Variants in TMPRSS2 observed in about 807,000 individuals in gnomAD.
TMPRSS2 encodes transmembrane protease serine 2.
TMPRSS2 carries 59 observed loss-of-function variants against 67.4 expected under a neutral mutation model. That is an observed-to-expected ratio of 0.88 (90% CI 0.71 to 1.09). The LOEUF is 1.09. TMPRSS2 is among the 50% of genes least tolerant of loss of function. TMPRSS2 has a pLI of 0.00. For synonymous variants in TMPRSS2, 257 were observed against 257.0 expected, an observed-to-expected ratio of 1.00 and a Z score of 0.00; for missense variants, 668 against 642.7, an observed-to-expected ratio of 1.04 and a Z score of -0.43.
rs565063101 is a variant in TMPRSS2 at position 41,476,974 on chromosome 21, C to G, written c.684-354G>C. On this transcript the variant is annotated intron_variant, in intron 7 of 13. Coordinates refer to ENST00000332149, the MANE Select transcript of TMPRSS2 (RefSeq NM_005656.4). ...AATCATCTTCTAATTTTTAAGGAAG[C>G]CATTTGGAAACCTCTGGGCTCCTAT... Among the ~76,000 whole-genome samples the G allele has an allele frequency of 4.6e-5, 7 of 152,252 alleles. No homozygotes were observed. In the East Asian group the frequency reaches 1.3e-3, roughly 29 times the overall value.
intron 11 of TMPRSS2, chr21:41,468,985 A>G (rs546232086): frequency 6.1e-6 from 1 of 162,710 alleles, no homozygotes; most frequent in Admixed American, 5.9e-5. Flanking sequence ...TCCCCTGCAC[A>G]TTAGAGCTTC....
intron 1 of TMPRSS2, among the ~76,000 whole-genome samples, chr21:41,504,454 G>A (rs2091444149): frequency 6.6e-6 from 1 of 152,138 alleles, no homozygotes; most frequent in South Asian, 2.1e-4. Context: ...CCACACCCCT[G>A]CCAGAAAACC....
At chr21:41,467,507 C>T (rs866244433) in intron 13 of TMPRSS2, among the ~76,000 whole-genome samples, 6 of 152,140 alleles carry the variant, frequency 3.9e-5, no homozygotes, top group African/African-American at 9.7e-5. Context: ...TGAGCCCCAG[C>T]GCTTTTCATC....
rs114363287 is a variant in TMPRSS2, at chr21:41,494,374, C to T, written c.220G>A (p.Gly74Arg). ...VVCTQPKSPSGTVCTSKTKKA... is the reference protein window; with the variant it reads ...VVCTQPKSPSRTVCTSKTKKA... ...ATCCTACTTGAGGTGCACACTGTCC[C>T]GGATGGGGATTTGGGCTGCGTGCAG... Residue 74 changes from glycine (G) to arginine (R), a missense_variant, in exon 3 of 14, where the codon GGG (glycine) becomes AGG (arginine). By Grantham distance (125) the Gly-to-Arg change is moderately radical. Coordinates refer to ENST00000332149, the MANE Select transcript of TMPRSS2 (RefSeq NM_005656.4). 524 of 1,610,296 alleles carry T rather than the reference C, an allele frequency of 3.3e-4. 1 individual carries two copies. The African/African-American group carries it at 6.3e-3, about 19-fold the overall frequency.
intron 1 of TMPRSS2, among the ~76,000 whole-genome samples, chr21:41,507,660 G>A (rs1311034086): frequency 6.6e-6 from 1 of 152,222 alleles, no homozygotes; most frequent in African/African-American, 2.4e-5. Flanking sequence ...CCAACCGACA[G>A]CACTCCCAGT....
rs1175715553 is a variant in TMPRSS2, at chr21:41,494,484, T to C, written c.110A>G (p.Tyr37Cys). ...GTAGTACTGAGCCGGATGCACCTCG[T>C]AGACAGTGGGGACCACAGTGGGCTG... Reference protein sequence around the residue: ...PAQPTVVPTVYEVHPAQYYPS... With the variant: ...PAQPTVVPTVCEVHPAQYYPS... The change falls in exon 3 of 14, where the codon TAC becomes TGC. Residue 37 changes from tyrosine to cysteine, a missense_variant. By Grantham distance (194) the Tyr-to-Cys change is radical. Coordinates refer to ENST00000332149, the MANE Select transcript of TMPRSS2 (RefSeq NM_005656.4). 4 of 1,613,946 alleles carry C rather than the reference T, an allele frequency of 2.5e-6. No individual in the cohort carries two copies. The highest frequency in any genetic ancestry group is 2.7e-5 in the African/African-American group (2 of 74,910).
rs1286776920 is a variant in TMPRSS2, at chr21:41,473,204, A to G, written c.899+121T>C. 6.7e-6 allele frequency: 8 copies of G among 1,188,392 alleles called. No homozygotes were observed. The African/African-American group carries it at 9.2e-5, about 14-fold the overall frequency. The allele number at this position is 1,188,392 out of a possible 1,614,324, so 73.6% of individuals were successfully genotyped here. A position where few individuals can be genotyped will look rare whatever the true frequency, so the allele number is the denominator to read the frequency against. On this transcript the variant is annotated intron_variant, in intron 9 of 13. Coordinates refer to ENST00000332149, the MANE Select transcript of TMPRSS2 (RefSeq NM_005656.4). ...CTCACAGCCCTAGGAAGCAGGTGCA[A>G]TACTCTCCCCATTTAAACACAAGGA...
intron 2 of TMPRSS2, among the ~76,000 whole-genome samples, chr21:41,495,399 G>C (rs558991814): frequency 6.1e-4 from 93 of 152,178 alleles, no homozygotes; most frequent in Non-Finnish European, 1.1e-3. Flanking sequence ...TAAAGCAGGT[G>C]GATCACCTGA....
At chr21:41,497,837 T>C (rs2091395580) in intron 2 of TMPRSS2, among the ~76,000 whole-genome samples, 1 of 152,224 alleles carries the variant, frequency 6.6e-6, no homozygotes, top group African/African-American at 2.4e-5. Context: ...CCCCACTCCT[T>C]GTCCCTGCCC....
At chr21:41,480,413 G>A in intron 6 of TMPRSS2, 63 bp downstream of exon 6, 1 of 1,591,778 alleles carries the variant, frequency 6.3e-7, no homozygotes, top group Non-Finnish European at 8.6e-7. Context: ...GAGGCAGAGA[G>A]AGGGTCTTCT....
intron 9 of TMPRSS2, 52 bp from the exon 10 acceptor site, chr21:41,472,033 A>G (rs464431): frequency 0.97 from 1,442,348 of 1,490,774 alleles, 701,958 homozygotes; most frequent in Non-Finnish European, 0.99. Context: ...CAGAGCTCTC[A>G]GTGGATGAAC....
chr21:41,471,757 T>C, intron 10 of TMPRSS2, 49 bp downstream of exon 10: 1 of 1,521,582 alleles, frequency 6.6e-7, no homozygotes, highest in Non-Finnish European at 8.9e-7. Flanking sequence ...CCAATCAACA[T>C]CTCTTTAAGA....
At chr21:41,493,307 C>CA (rs1416882807) in intron 3 of TMPRSS2, among the ~76,000 whole-genome samples, 1 of 152,040 alleles carries the variant, frequency 6.6e-6, no homozygotes, top group Non-Finnish European at 1.5e-5. Context: ...GTAGAAAACT[C>CA]AGAGACAGGA....
chr21:41,468,633 C>CA (rs140209466), intron 11 of TMPRSS2, 95 bp from the exon 12 acceptor site: 1 of 1,398,702 alleles, frequency 7.1e-7, no homozygotes, highest in East Asian at 2.3e-5. Context: ...ACGCACTACA[C>CA]AGATGGTCAC....
At chr21:41,494,652 T>C in intron 2 of TMPRSS2, 74 bp from the exon 3 acceptor site, 1 of 1,296,182 alleles carries the variant, frequency 7.7e-7, no homozygotes, top group Non-Finnish European at 1.1e-6. Context: ...AACTATCACA[T>C]CATACCACAG....
At chr21:41,503,931 AC>A (rs766307566) in intron 1 of TMPRSS2, among the ~76,000 whole-genome samples, 2 of 152,092 alleles carry the variant, frequency 1.3e-5, no homozygotes, top group Non-Finnish European at 2.9e-5. Flanking sequence ...GTCTCCCATG[AC>A]CCCTGGGCTA....
In TMPRSS2 at chr21:41,490,965, C is replaced by T. The variant is rs149173609; in HGVS notation, c.239-1372G>A. ...CTGTGCCTCCGGAGGTCTGCCAGGG[C>T]GATAAGCTCAGAGCTGACCCATCTG... On this transcript the variant is annotated intron_variant, in intron 3 of 13. Transcript: ENST00000332149. Among the ~76,000 whole-genome samples, 40 of 152,232 alleles carry T rather than the reference C, an allele frequency of 2.6e-4. No individual in the cohort carries two copies. The East Asian group carries it at 7.2e-3, about 27-fold the overall frequency.
At chr21:41,468,684 C>G in intron 11 of TMPRSS2, 146 bp from the exon 12 acceptor site, 1 of 836,960 alleles carries the variant, frequency 1.2e-6, no homozygotes, top group African/African-American at 1.7e-5. Flanking sequence ...CTCATCCCAG[C>G]ACCAACCCCT....
intron 8 of TMPRSS2, among the ~76,000 whole-genome samples, chr21:41,476,103 G>T (rs916450029): frequency 6.6e-6 from 1 of 152,152 alleles, no homozygotes; most frequent in African/African-American, 2.4e-5. Flanking sequence ...CAAAATTCAG[G>T]AGAGAAGAGG....
Sources: allele counts gnomAD v4.1 joint callset (sites outside exome capture counted in the v4.1 genomes callset), GRCh38; gene constraint gnomAD v4.1.1; transcripts MANE v1.5; gene names NCBI Gene and HGNC (gene_info 2026-07-23, HGNC 2026-07-21).